CASK: variants seen among roughly 807,000 people sequenced by gnomAD.
CASK encodes the protein peripheral plasma membrane protein CASK.
CASK carries 4 observed loss-of-function variants against 82.9 expected under a neutral mutation model. That is an observed-to-expected ratio of 0.05 (90% confidence interval 0.02 to 0.11). The LOEUF (loss-of-function observed/expected upper bound fraction) is 0.11. CASK is among the 10% of genes least tolerant of loss of function. CASK has a pLI of 1.00. For missense variants in CASK, 358 were observed against 720.9 expected (o/e 0.50, Z 5.76); for synonymous variants, 259 against 253.5 (o/e 1.02, Z -0.20).
At chrX:41,829,734 T>C (rs5917453) in intron 2 of CASK, among the ~76,000 whole-genome samples, 431 of 29,490 alleles carry the variant, frequency 0.015, 6 homozygotes, top group Middle Eastern at 0.064. Context: ...TATATATATA[T>C]ATATATATAT....
intron 5 of CASK, among the ~76,000 whole-genome samples, chrX:41,699,852 G>C (rs774516158): frequency 4.5e-5 from 5 of 111,311 alleles, no homozygotes; most frequent in Non-Finnish European, 9.4e-5. Context: ...GAAAAAATAT[G>C]CTACTGTCTT....
At chrX:41,776,070 CA>C (rs1388955336) in intron 3 of CASK, among the ~76,000 whole-genome samples, 1 of 111,574 alleles carries the variant, frequency 9.0e-6, no homozygotes, top group Non-Finnish European at 1.9e-5. Flanking sequence ...AACAAAACAA[CA>C]AAAAAGTATA....
chrX:41,895,690 A>G (rs2072258579), intron 1 of CASK, among the ~76,000 whole-genome samples: 1 of 111,286 alleles, frequency 9.0e-6, no homozygotes, highest in Admixed American at 9.5e-5. Context: ...AATGAAAAGC[A>G]TTTGGAAAAG....
At chrX:41,625,465 C>T (rs1007870297) in intron 10 of CASK, among the ~76,000 whole-genome samples, 22 of 110,974 alleles carry the variant, frequency 2.0e-4, no homozygotes, top group African/African-American at 7.2e-4. Flanking sequence ...GGATTACAGG[C>T]GTGAGCCACT....
intron 11 of CASK, among the ~76,000 whole-genome samples, chrX:41,617,908 C>T (rs1482553645): frequency 1.8e-5 from 2 of 112,185 alleles, no homozygotes; most frequent in African/African-American, 6.5e-5. Flanking sequence ...TCCTATAAAA[C>T]CTCTGAATAA....
intron 1 of CASK, among the ~76,000 whole-genome samples, chrX:41,865,924 G>A (rs779697218): frequency 8.9e-6 from 1 of 111,862 alleles, no homozygotes; most frequent in South Asian, 3.8e-4. Flanking sequence ...CACCTACTGG[G>A]GCCTGGGTCT....
intron 1 of CASK, among the ~76,000 whole-genome samples, chrX:41,864,132 T>C (rs1451170283): frequency 9.0e-6 from 1 of 111,728 alleles, no homozygotes; most frequent in South Asian, 3.7e-4. Context: ...AAGATCTCCA[T>C]AACCAGGTAA....
intron 2 of CASK, among the ~76,000 whole-genome samples, chrX:41,829,319 C>T (rs936530849): frequency 9.1e-5 from 10 of 110,467 alleles, no homozygotes; most frequent in African/African-American, 2.6e-4. Context: ...CTACTTTGAC[C>T]TCAAACTTCA....
At chrX:41,886,360 C>T (rs2072047481) in intron 1 of CASK, among the ~76,000 whole-genome samples, 1 of 111,608 alleles carries the variant, frequency 9.0e-6, no homozygotes, top group Non-Finnish European at 1.9e-5. Flanking sequence ...TTTGGAACCC[C>T]TCGGAACGTC....
At chrX:41,858,876 G>C (rs759557779) in intron 1 of CASK, among the ~76,000 whole-genome samples, 1 of 111,106 alleles carries the variant, frequency 9.0e-6, no homozygotes, top group African/African-American at 3.3e-5. Context: ...AGTGGTTTGA[G>C]GGGGAGGGGG....
At chrX:41,818,475 C>T (rs770719911) in intron 2 of CASK, among the ~76,000 whole-genome samples, 38 of 108,869 alleles carry the variant, frequency 3.5e-4, no homozygotes, top group African/African-American at 1.1e-3. Context: ...TGATGGTGCA[C>T]GCCTGTAGTT....
At chrX:41,552,406 C>T (rs1249615077) in intron 21 of CASK, among the ~76,000 whole-genome samples, 1 of 111,249 alleles carries the variant, frequency 9.0e-6, no homozygotes, top group African/African-American at 3.3e-5. Context: ...CAGGATTCCT[C>T]CAGAGGACTC....
intron 3 of CASK, among the ~76,000 whole-genome samples, chrX:41,756,609 G>A (rs184452497): frequency 2.0e-4 from 23 of 112,303 alleles, no homozygotes; most frequent in African/African-American, 5.8e-4. Flanking sequence ...TTATTTTGCT[G>A]TAATAAATAA....
At chrX:41,712,498 A>T (rs1243324722) in intron 5 of CASK, among the ~76,000 whole-genome samples, 1 of 112,635 alleles carries the variant, frequency 8.9e-6, no homozygotes, top group East Asian at 2.8e-4. Context: ...AACTAAGGAA[A>T]TTATGACAGT....
At chrX:41,886,839 C>T (rs950749476) in intron 1 of CASK, among the ~76,000 whole-genome samples, 2 of 110,955 alleles carry the variant, frequency 1.8e-5, no homozygotes, top group African/African-American at 6.5e-5. Flanking sequence ...TTTTAAAAGC[C>T]GTAATAGGTA....
chrX:41,850,376 A>G (rs1012645696), intron 2 of CASK, among the ~76,000 whole-genome samples: 2 of 111,216 alleles, frequency 1.8e-5, no homozygotes, highest in Admixed American at 9.6e-5. Flanking sequence ...TAACCCTTTA[A>G]AGACCTATTT....
In CASK at chrX:41,801,703, C is replaced by T. The variant is rs779102331; in HGVS notation, c.173-14420G>A. On this transcript the variant is annotated intron_variant, in intron 2 of 26. Coordinates refer to ENST00000378163, the MANE Select transcript of CASK (RefSeq NM_001367721.1). ...GACTGGCTGAACCTTTATAGGTATG[C>T]AGTATGACCTTGGATATCTTTGGCC... 1.5e-4 allele frequency among the ~76,000 whole-genome samples: 17 copies of T among 111,553 alleles called. No individual in the cohort carries two copies. The South Asian group carries it at 6.1e-3, about 40-fold the overall frequency.
chrX:41,892,609 A>T (rs1286709030), intron 1 of CASK, among the ~76,000 whole-genome samples: 1 of 111,826 alleles, frequency 8.9e-6, no homozygotes, highest in Non-Finnish European at 1.9e-5. Flanking sequence ...TGCTGAGATT[A>T]CAGGTGTGAG....
chrX:41,571,565 T>C (rs1357428673), intron 15 of CASK, among the ~76,000 whole-genome samples: 4 of 112,007 alleles, frequency 3.6e-5, no homozygotes, highest in African/African-American at 9.7e-5. Flanking sequence ...ATAGCCATTT[T>C]TCCTGATCAG....
Sources: gnomAD v4.1 joint callset for allele counts (sites outside exome capture counted in the v4.1 genomes callset) on GRCh38, gnomAD v4.1.1 for gene constraint, MANE v1.5 for transcripts, NCBI Gene and HGNC (gene_info 2026-07-23, HGNC 2026-07-21) for gene names.